Variants in TGFA observed in about 807,000 individuals in gnomAD.
TGFA encodes transforming growth factor alpha, also known as protransforming growth factor alpha.
In TGFA, 12 loss-of-function variants were observed where a neutral mutation model predicts 21.7. That is an observed-to-expected ratio of 0.55 (90% CI 0.35 to 0.90). The LOEUF (loss-of-function observed/expected upper bound fraction) is 0.90, where lower values mean the gene tolerates loss of function less well. TGFA is among the 40% of genes least tolerant of loss of function. TGFA has a pLI of 0.01. For missense variants in TGFA, 178 were observed against 210.8 expected (o/e 0.84, Z 0.96); for synonymous variants, 79 against 88.1 (o/e 0.90, Z 0.58).
chr2:70,464,009 G>C (rs576855588), intron 3 of TGFA, among the ~76,000 whole-genome samples: 2 of 152,336 alleles, frequency 1.3e-5, no homozygotes, highest in South Asian at 4.1e-4. Context: ...CGAGGAGGAG[G>C]GTGGCCAGTG....
chr2:70,480,034 G>A (rs1437894581), intron 2 of TGFA, among the ~76,000 whole-genome samples: 4 of 151,658 alleles, frequency 2.6e-5, no homozygotes, highest in Admixed American at 6.6e-5. Flanking sequence ...GGCTTCAACA[G>A]AGACAATGGC....
chr2:70,493,678 C>G (rs1351435728), intron 2 of TGFA, among the ~76,000 whole-genome samples: 1 of 152,132 alleles, frequency 6.6e-6, no homozygotes, highest in African/African-American at 2.4e-5. Flanking sequence ...GCAGCCTCAC[C>G]CATACTTACC....
chr2:70,534,794 C>G (rs782726608), intron 1 of TGFA, among the ~76,000 whole-genome samples: 1 of 152,126 alleles, frequency 6.6e-6, no homozygotes, highest in Non-Finnish European at 1.5e-5. Context: ...GTAAATATGT[C>G]GGAGAGTGGC....
Position 70,450,217 on chromosome 2 carries a change from A to T in TGFA, c.*642T>A, listed in dbSNP as rs1574061286. 1 of 152,304 alleles carries T rather than the reference A, an allele frequency of 6.6e-6. No individual in the cohort carries two copies. The highest frequency in any genetic ancestry group is 6.5e-5 in the Admixed American group (1 of 15,290). 9.4% of individuals were successfully genotyped at this position (152,304 alleles called of 1,614,324 possible). Reference sequence around the variant, plus strand: ...TATACTTTTTACATTGACTTAAGAGATTAAAAATAAAACCATTATCCATCT... The same window carrying T: ...TATACTTTTTACATTGACTTAAGAGTTTAAAAATAAAACCATTATCCATCT... On this transcript the variant is annotated 3_prime_UTR_variant, in exon 6 of 6. Transcript: ENST00000295400.
intron 1 of TGFA, among the ~76,000 whole-genome samples, chr2:70,533,144 G>A (rs1306451017): frequency 1.3e-5 from 2 of 152,068 alleles, no homozygotes; most frequent in Non-Finnish European, 2.9e-5. Flanking sequence ...TTACAGGCGT[G>A]AGCCGCCACG....
intron 1 of TGFA, among the ~76,000 whole-genome samples, chr2:70,552,827 A>C (rs1308308010): frequency 6.6e-6 from 1 of 152,240 alleles, no homozygotes; most frequent in African/African-American, 2.4e-5. Flanking sequence ...TTCACGGAAG[A>C]CTAGCAATAA....
At chr2:70,500,101 A>G (rs975792858) in intron 2 of TGFA, among the ~76,000 whole-genome samples, 1 of 152,198 alleles carries the variant, frequency 6.6e-6, no homozygotes, top group Non-Finnish European at 1.5e-5. Context: ...GGTATATGGT[A>G]TCTATTTTCA....
At chr2:70,505,525 C>T (rs79619611) in intron 2 of TGFA, among the ~76,000 whole-genome samples, 2,134 of 152,152 alleles carry the variant, frequency 0.014, 56 homozygotes, top group African/African-American at 0.048. Flanking sequence ...TAGCAATACC[C>T]GACAAGTTTC....
intron 2 of TGFA, among the ~76,000 whole-genome samples, chr2:70,480,737 A>G (rs966066646): frequency 6.6e-6 from 1 of 152,142 alleles, no homozygotes; most frequent in African/African-American, 2.4e-5. Context: ...GTATTTTTGC[A>G]TGCTCAAAGA....
intron 3 of TGFA, among the ~76,000 whole-genome samples, chr2:70,461,028 G>A (rs1441689255): frequency 4.6e-5 from 7 of 152,220 alleles, no homozygotes; most frequent in African/African-American, 1.7e-4. Flanking sequence ...CTTGTCATAG[G>A]CAGCAATTGC....
chr2:70,504,433 AATATATATATATATAT>A lies in TGFA; in HGVS notation c.94+10410_94+10425del, dbSNP rs200901290. Reference sequence around the variant, plus strand: ...CCAAAACCAAAAACAAAACAAAACAAATATATATATATATATATATATATATATATACACACATACA... The same window carrying A: ...CCAAAACCAAAAACAAAACAAAACAAATATATATATATATACACACATACA... On this transcript the variant is annotated intron_variant, in intron 2 of 5. Coordinates refer to ENST00000295400, the MANE Select transcript of TGFA (RefSeq NM_003236.4). Among the ~76,000 whole-genome samples the A allele has an allele frequency of 1.9e-3, 116 of 62,446 alleles. 6 individuals carry two copies. Among genetic ancestry groups the A allele is most frequent in the Admixed American group, 6.8e-3 (39 of 5,752 alleles). The allele number at this position is 62,446 out of a possible 152,430, so 41.0% of individuals were successfully genotyped here.
intron 5 of TGFA, chr2:70,451,601 A>C: frequency 3.3e-6 from 2 of 606,308 alleles, no homozygotes; most frequent in South Asian, 4.1e-5. Context: ...TGACATTAAC[A>C]AGAAACTTAC....
intron 1 of TGFA, 145 bp downstream of exon 1, chr2:70,553,583 C>T: frequency 1.5e-6 from 2 of 1,313,858 alleles, no homozygotes; most frequent in Non-Finnish European, 1.9e-6. Context: ...CTCCCCTTGC[C>T]TCCCAGGCGC....
chr2:70,518,388 G>A (rs139865565), intron 1 of TGFA, among the ~76,000 whole-genome samples: 1 of 152,300 alleles, frequency 6.6e-6, no homozygotes, highest in Non-Finnish European at 1.5e-5. Flanking sequence ...TCAAAATAGA[G>A]TGGGAACCTG....
chr2:70,543,995 C>CA (rs1426289139), intron 1 of TGFA, among the ~76,000 whole-genome samples: 2 of 152,200 alleles, frequency 1.3e-5, no homozygotes, highest in East Asian at 3.9e-4. Context: ...ATAATTGAGT[C>CA]AATCAATGTC....
intron 1 of TGFA, among the ~76,000 whole-genome samples, chr2:70,523,327 T>C (rs917847610): frequency 3.9e-5 from 6 of 152,164 alleles, no homozygotes; most frequent in African/African-American, 1.4e-4. Flanking sequence ...GAACGTTCGT[T>C]GTGAATGTTG....
rs574099936 is a variant in TGFA, at chr2:70,447,629, C to G, written c.*3230G>C. 2 of 152,536 alleles carry G rather than the reference C, an allele frequency of 1.3e-5. No individual in the cohort carries two copies. The highest frequency in any genetic ancestry group is 2.1e-4 in the South Asian group (1 of 4,826). The allele number at this position is 152,536 out of a possible 1,614,324, so 9.4% of individuals were successfully genotyped here. ...TTATTAAGACTAAGAAGAGGAGTTG[C>G]TTTTTCAGTACTCTCTCTCTCTCTG... is the stretch of plus-strand genomic sequence containing the variant. On this transcript the variant is annotated 3_prime_UTR_variant, in exon 6 of 6. Transcript: ENST00000295400.
At chr2:70,488,520 T>C (rs1671333425) in intron 2 of TGFA, among the ~76,000 whole-genome samples, 1 of 152,228 alleles carries the variant, frequency 6.6e-6, no homozygotes. Context: ...TTAGTTCTAC[T>C]GAGATTCTGT....
At chr2:70,543,555 C>T (rs1432631268) in intron 1 of TGFA, among the ~76,000 whole-genome samples, 2 of 150,720 alleles carry the variant, frequency 1.3e-5, no homozygotes, top group Non-Finnish European at 3.0e-5. Context: ...AAAAAGACTA[C>T]ATTAACTGGG....
Sources: gnomAD v4.1 joint callset for allele counts (sites outside exome capture counted in the v4.1 genomes callset) on GRCh38, gnomAD v4.1.1 for gene constraint, MANE v1.5 for transcripts, NCBI Gene and HGNC (gene_info 2026-07-23, HGNC 2026-07-21) for gene names.